KCND2: variants seen among roughly 807,000 people sequenced by gnomAD.
The protein encoded by KCND2 is potassium voltage-gated channel subfamily D member 2.
Under a neutral mutation model 54.4 loss-of-function variants are expected in KCND2, and 16 were observed. The observed-to-expected ratio is 0.29, with a 90% CI of 0.20 to 0.45. KCND2 has a LOEUF of 0.45. Ranked by LOEUF, KCND2 falls within the 20% of genes least tolerant of loss-of-function variation. The pLI, the probability that KCND2 is intolerant of heterozygous loss-of-function variation, is 1.00. For synonymous variants in KCND2, 317 were observed against 310.7 expected (o/e 1.02, Z -0.21); for missense variants, 486 against 824.2 (o/e 0.59, Z 5.02).
At chr7:120,569,151 C>A (rs771310909) in intron 1 of KCND2, among the ~76,000 whole-genome samples, 1 of 152,064 alleles carries the variant, frequency 6.6e-6, no homozygotes, top group Non-Finnish European at 1.5e-5. Flanking sequence ...ATGCCTATTC[C>A]TTCTACATAA....
chr7:120,599,415 C>A (rs899628763), intron 1 of KCND2, among the ~76,000 whole-genome samples: 1 of 151,828 alleles, frequency 6.6e-6, no homozygotes. Context: ...ATTTGACAGG[C>A]TTGGGGAGTT....
At chr7:120,382,451 T>C (rs996732852) in intron 1 of KCND2, among the ~76,000 whole-genome samples, 1 of 151,958 alleles carries the variant, frequency 6.6e-6, no homozygotes, top group African/African-American at 2.4e-5. Flanking sequence ...ACTAATAGTT[T>C]CTGTCATTAT....
intron 1 of KCND2, among the ~76,000 whole-genome samples, chr7:120,583,140 G>A (rs1792541317): frequency 6.6e-6 from 1 of 152,098 alleles, no homozygotes; most frequent in Non-Finnish European, 1.5e-5. Flanking sequence ...TAGTGGATAA[G>A]TACTCAGTCA....
chr7:120,661,565 A>G (rs1429568357), intron 1 of KCND2, among the ~76,000 whole-genome samples: 1 of 151,816 alleles, frequency 6.6e-6, no homozygotes, highest in Non-Finnish European at 1.5e-5. Flanking sequence ...CACAAGAATC[A>G]CTTGAACCTG....
At chr7:120,622,707 T>C (rs202165256) in intron 1 of KCND2, among the ~76,000 whole-genome samples, 4 of 144,060 alleles carry the variant, frequency 2.8e-5, no homozygotes, top group African/African-American at 5.3e-5. Context: ...TCTCTCTCTC[T>C]CTCTCTCTCA....
intron 1 of KCND2, among the ~76,000 whole-genome samples, chr7:120,316,777 A>G (rs1229339445): frequency 1.3e-5 from 2 of 151,786 alleles, no homozygotes; most frequent in Non-Finnish European, 2.9e-5. Flanking sequence ...TTTTTGTTGT[A>G]CTGAATTATT....
At chr7:120,666,064 A>G (rs528121269) in intron 1 of KCND2, among the ~76,000 whole-genome samples, 1 of 152,232 alleles carries the variant, frequency 6.6e-6, no homozygotes, top group East Asian at 1.9e-4. Flanking sequence ...AAAAATTTAA[A>G]GGACTTTATT....
intron 1 of KCND2, among the ~76,000 whole-genome samples, chr7:120,438,124 A>G (rs1416582815): frequency 2.0e-5 from 3 of 152,238 alleles, no homozygotes; most frequent in African/African-American, 4.8e-5. Context: ...GGACCAGCCC[A>G]TATCACAACA....
intron 1 of KCND2, among the ~76,000 whole-genome samples, chr7:120,417,864 T>G (rs1162678079): frequency 6.6e-6 from 1 of 152,208 alleles, no homozygotes; most frequent in African/African-American, 2.4e-5. Flanking sequence ...GATATAAACT[T>G]AATTTCTTTG....
chr7:120,687,483 G>T (rs749128956), intron 1 of KCND2, among the ~76,000 whole-genome samples: 1 of 152,044 alleles, frequency 6.6e-6, no homozygotes, highest in Admixed American at 6.6e-5. Context: ...GTGCTGATTA[G>T]CTTGATTTAA....
chr7:120,523,185 A>G (rs1342436750), intron 1 of KCND2, among the ~76,000 whole-genome samples: 2 of 152,188 alleles, frequency 1.3e-5, no homozygotes, highest in Non-Finnish European at 2.9e-5. Context: ...TCCGCTATCC[A>G]TGTTTAGACA....
chr7:120,486,112 T>G (rs1802689515), intron 1 of KCND2, among the ~76,000 whole-genome samples: 1 of 152,166 alleles, frequency 6.6e-6, no homozygotes, highest in Non-Finnish European at 1.5e-5. Flanking sequence ...ACAACCCTTA[T>G]GCAAATTAAT....
intron 1 of KCND2, among the ~76,000 whole-genome samples, chr7:120,626,671 G>T (rs897904026): frequency 2.0e-5 from 3 of 152,112 alleles, no homozygotes; most frequent in Admixed American, 6.5e-5. Flanking sequence ...AGTCTGCATT[G>T]CACATTAAGA....
intron 1 of KCND2, among the ~76,000 whole-genome samples, chr7:120,441,373 C>T (rs1050484506): frequency 6.6e-6 from 1 of 151,900 alleles, no homozygotes; most frequent in African/African-American, 2.4e-5. Flanking sequence ...TATGTATATT[C>T]CCTTTATTTG....
intron 1 of KCND2, among the ~76,000 whole-genome samples, chr7:120,573,223 C>G (rs1792387235): frequency 6.6e-6 from 1 of 152,132 alleles, no homozygotes; most frequent in East Asian, 1.9e-4. Context: ...TACTTTATGT[C>G]AGTAATTTTA....
chr7:120,520,357 A>G (rs941507605), intron 1 of KCND2, among the ~76,000 whole-genome samples: 2 of 152,190 alleles, frequency 1.3e-5, no homozygotes, highest in African/African-American at 4.8e-5. Flanking sequence ...TTACTTTGAT[A>G]TGTCGATATT....
At chr7:120,428,368 T>C (rs1801743032) in intron 1 of KCND2, among the ~76,000 whole-genome samples, 1 of 152,162 alleles carries the variant, frequency 6.6e-6, no homozygotes, top group African/African-American at 2.4e-5. Flanking sequence ...GAAACAGAGT[T>C]AGAAGATGAC....
intron 1 of KCND2, among the ~76,000 whole-genome samples, chr7:120,510,093 T>C (rs1180376249): frequency 6.6e-6 from 1 of 152,110 alleles, no homozygotes; most frequent in Non-Finnish European, 1.5e-5. Flanking sequence ...TAGTACATGC[T>C]TCGCTAGCGC....
chr7:120,426,422 G>A (rs1042228242), intron 1 of KCND2, among the ~76,000 whole-genome samples: 3 of 152,034 alleles, frequency 2.0e-5, no homozygotes, highest in African/African-American at 7.2e-5. Context: ...CCAAGATTTT[G>A]ATGGTCAATT....
Sources: allele counts gnomAD v4.1 joint callset (sites outside exome capture counted in the v4.1 genomes callset), GRCh38; gene constraint gnomAD v4.1.1; transcripts MANE v1.5; gene names NCBI Gene and HGNC (gene_info 2026-07-23, HGNC 2026-07-21).